Variants in CNOT6 observed in about 807,000 individuals in gnomAD.
CNOT6 encodes CCR4-NOT transcription complex subunit 6.
In CNOT6, 12 loss-of-function variants were observed where a neutral mutation model predicts 61.2. That is an observed-to-expected ratio of 0.20 (90% confidence interval 0.13 to 0.32). The LOEUF (loss-of-function observed/expected upper bound fraction) is 0.32. Ranked by LOEUF, CNOT6 falls within the 10% of genes least tolerant of loss-of-function variation. CNOT6 has a pLI of 1.00. For synonymous variants in CNOT6, 225 were observed against 240.6 expected, an observed-to-expected ratio of 0.94 and a Z score of 0.60; for missense variants, 405 against 663.9, an observed-to-expected ratio of 0.61 and a Z score of 4.28.
chr5:180,494,992 A>G (rs1756533580), intron 1 of CNOT6, among the ~76,000 whole-genome samples: 1 of 145,908 alleles, frequency 6.9e-6, no homozygotes, highest in African/African-American at 2.5e-5. Context: ...GCGTTGATTG[A>G]CGGCGGCGGC....
intron 1 of CNOT6, among the ~76,000 whole-genome samples, chr5:180,502,248 G>C (rs1460214931): frequency 6.6e-6 from 1 of 152,106 alleles, no homozygotes; most frequent in Non-Finnish European, 1.5e-5. Flanking sequence ...ATACAAAATT[G>C]TTTTGCCTGC....
chr5:180,503,825 C>T (rs1034971539), intron 1 of CNOT6, among the ~76,000 whole-genome samples: 5 of 151,368 alleles, frequency 3.3e-5, no homozygotes, highest in Non-Finnish European at 5.9e-5. Flanking sequence ...AGGATGGTCT[C>T]GATCTCCTGG....
At chr5:180,566,834 G>C (rs1760489530) in intron 7 of CNOT6, among the ~76,000 whole-genome samples, 1 of 151,384 alleles carries the variant, frequency 6.6e-6, no homozygotes, top group Non-Finnish European at 1.5e-5. Context: ...TGTATTTTTA[G>C]TAGAGATGGG....
At chr5:180,503,907 T>G (rs1757009902) in intron 1 of CNOT6, among the ~76,000 whole-genome samples, 1 of 152,124 alleles carries the variant, frequency 6.6e-6, no homozygotes, top group African/African-American at 2.4e-5. Flanking sequence ...GCCTGGCCCC[T>G]TTTTCTTCTT....
intron 2 of CNOT6, among the ~76,000 whole-genome samples, chr5:180,540,125 G>A (rs1224393056): frequency 1.3e-5 from 2 of 151,672 alleles, no homozygotes; most frequent in Admixed American, 6.6e-5. Context: ...TCAGTGTGGG[G>A]CCTTGACTGG....
intron 10 of CNOT6, among the ~76,000 whole-genome samples, chr5:180,570,753 A>G (rs1760709347): frequency 6.6e-6 from 1 of 152,216 alleles, no homozygotes. Flanking sequence ...AGGGATGTGG[A>G]CGTTTGGCCT....
chr5:180,557,971 T>G (rs2127753501), intron 4 of CNOT6, among the ~76,000 whole-genome samples: 1 of 152,354 alleles, frequency 6.6e-6, no homozygotes, highest in Admixed American at 6.5e-5. Flanking sequence ...TGATCTTACC[T>G]TCATTGAATT....
chr5:180,573,552 A>T (rs891425743), intron 11 of CNOT6, among the ~76,000 whole-genome samples: 12 of 119,266 alleles, frequency 1.0e-4, no homozygotes, highest in African/African-American at 2.9e-4. Context: ...GGAGGGGGGC[A>T]GTGTGTGTGT....
chr5:180,503,875 G>T (rs913452503), intron 1 of CNOT6, among the ~76,000 whole-genome samples: 3 of 152,124 alleles, frequency 2.0e-5, no homozygotes, highest in Middle Eastern at 3.2e-3. Flanking sequence ...AAAGTGCTGG[G>T]ATTACAGGCG....
At chr5:180,535,593 C>A (rs530430836) in intron 2 of CNOT6, among the ~76,000 whole-genome samples, 59 of 152,300 alleles carry the variant, frequency 3.9e-4, no homozygotes, top group Admixed American at 1.0e-3. Flanking sequence ...CGTATCTTTG[C>A]TATTGTGAAT....
At chr5:180,538,954 T>G (rs1387258535) in intron 2 of CNOT6, among the ~76,000 whole-genome samples, 1 of 151,400 alleles carries the variant, frequency 6.6e-6, no homozygotes, top group African/African-American at 2.4e-5. Flanking sequence ...GGCAGGCAGA[T>G]CATGAGGTCA....
At chr5:180,550,417 T>A (rs1180388891) in intron 3 of CNOT6, among the ~76,000 whole-genome samples, 1 of 152,000 alleles carries the variant, frequency 6.6e-6, no homozygotes, top group Non-Finnish European at 1.5e-5. Flanking sequence ...ACCGCTGCAC[T>A]CCAGCCTGGG....
In CNOT6 at chr5:180,567,072, G is replaced by A; in HGVS notation, c.718-16G>A. The A allele has an allele frequency of 1.3e-6, 2 of 1,595,974 alleles. No individual in the cohort carries two copies. The highest frequency in any genetic ancestry group is 1.4e-5 in the African/African-American group (1 of 73,684). ...TTTTGTCTTATGAAATAACTGTGCT[G>A]TTTACAACTTTTCAGGAGGTTGAAA... On this transcript the variant is annotated splice_polypyrimidine_tract_variant and intron_variant, in intron 7 of 11. Transcript: ENST00000261951.
intron 4 of CNOT6, among the ~76,000 whole-genome samples, chr5:180,554,526 A>G (rs373432257): frequency 8.4e-5 from 12 of 143,224 alleles, no homozygotes; most frequent in Non-Finnish European, 1.7e-4. Flanking sequence ...AGTTTTTTTT[A>G]AATAAATAGA....
Position 180,567,109 on chromosome 5 carries a change from T to G in CNOT6, c.739T>G (p.Tyr247Asp). 1 of 1,612,976 alleles carries G rather than the reference T, an allele frequency of 6.2e-7. No homozygotes were observed. Residue 247 changes from tyrosine to aspartate, a missense_variant, in exon 8 of 12, where the codon TAC becomes GAC. Physicochemically the swap from Tyr to Asp is radical, Grantham distance 160 (BLOSUM62 -3). Transcript: ENST00000261951. ...TCAGGAGGTTGAAACGGAACAGTAT[T>G]ACAGTTTTTTTCTGGTAGAGCTGAA... ...SLQEVETEQYYSFFLVELKER... is the reference protein window; with the variant it reads ...SLQEVETEQYDSFFLVELKER...
intron 4 of CNOT6, among the ~76,000 whole-genome samples, chr5:180,558,731 A>G (rs1760028375): frequency 1.3e-5 from 2 of 151,950 alleles, no homozygotes; most frequent in South Asian, 4.2e-4. Context: ...TTTTCCTCCC[A>G]ACCCTGCTTT....
rs887193250 is a variant in CNOT6 at position 180,566,103 on chromosome 5, A to G, written c.717+126A>G. On this transcript the variant is annotated intron_variant, in intron 7 of 11. Coordinates refer to ENST00000261951, the MANE Select transcript of CNOT6 (RefSeq NM_001370472.1). The stretch of plus-strand genomic sequence containing the variant: ...TAAAGTACTGCTTTTTTCTGTTATT[A>G]GTGAATCCTGGGAGTACTGCCTGCT... 9.0e-6 allele frequency: 8 copies of G among 884,622 alleles called. No individual in the cohort carries two copies. The African/African-American group carries it at 1.2e-4, about 13-fold the overall frequency. 54.8% of individuals were successfully genotyped at this position (884,622 alleles called of 1,614,324 possible).
rs537876045 is a variant in CNOT6, at chr5:180,549,573, C to T, written c.113-358C>T. Reference sequence around the variant, plus strand: ...CTGAGGCAGGAGAATGGCATGAACCCGGGAGGCGGAGCTTGCAGTGAGCCC... The same window carrying T: ...CTGAGGCAGGAGAATGGCATGAACCTGGGAGGCGGAGCTTGCAGTGAGCCC... On this transcript the variant is annotated intron_variant, in intron 2 of 11. Coordinates refer to ENST00000261951, the MANE Select transcript of CNOT6 (RefSeq NM_001370472.1). 5.3e-5 allele frequency among the ~76,000 whole-genome samples: 8 copies of T among 151,944 alleles called. No homozygotes were observed. In the East Asian group the frequency reaches 1.4e-3, roughly 26 times the overall value.
chr5:180,571,374 T>TA lies in CNOT6; in HGVS notation c.1404dup (p.Gln469ThrfsTer5), dbSNP rs1301743468. On this transcript the variant is annotated frameshift_variant, in exon 11 of 12. Coordinates refer to ENST00000261951, the MANE Select transcript of CNOT6 (RefSeq NM_001370472.1). LOFTEE classifies it high-confidence loss of function. ...GGAAGGATCACTCATGGTTTCAAGT[T>TA]ACAGAGTGCCTATGAGAGTGGCCTG... is the stretch of plus-strand genomic sequence containing the variant. The TA allele has an allele frequency of 6.2e-7, 1 of 1,614,178 alleles. No homozygotes were observed. Among genetic ancestry groups the TA allele is most frequent in the Non-Finnish European group, 8.5e-7 (1 of 1,179,998 alleles).
Sources: allele counts gnomAD v4.1 joint callset (sites outside exome capture counted in the v4.1 genomes callset), GRCh38; gene constraint gnomAD v4.1.1; transcripts MANE v1.5; gene names NCBI Gene and HGNC (gene_info 2026-07-23, HGNC 2026-07-21).